Variants in FNBP4 observed in about 807,000 individuals in gnomAD.
FNBP4 encodes the protein formin binding protein 4.
Under a neutral mutation model 119.3 loss-of-function variants are expected in FNBP4, and 34 were observed. That is an observed-to-expected ratio of 0.28 (90% CI 0.22 to 0.38). The LOEUF (loss-of-function observed/expected upper bound fraction) is 0.38, where lower values mean the gene tolerates loss of function less well. Among genes scored for constraint, FNBP4 ranks in the 10% least tolerant of loss-of-function variants. The pLI, the probability that FNBP4 is intolerant of heterozygous loss-of-function variation, is 1.00. For synonymous variants in FNBP4, 462 were observed against 430.6 expected, an observed-to-expected ratio of 1.07 and a Z score of -0.90; for missense variants, 1,112 against 1,228.9, an observed-to-expected ratio of 0.90 and a Z score of 1.42.
At chr11:47,747,160 T>TCC (rs1348778409) in intron 6 of FNBP4, among the ~76,000 whole-genome samples, 1 of 152,062 alleles carries the variant, frequency 6.6e-6, no homozygotes, top group Non-Finnish European at 1.5e-5. Flanking sequence ...AGCCTTAGCC[T>TCC]CCCAAGTAGC....
intron 7 of FNBP4, among the ~76,000 whole-genome samples, chr11:47,745,704 C>T (rs559671440): frequency 2.0e-5 from 3 of 152,086 alleles, no homozygotes; most frequent in Admixed American, 1.3e-4. Context: ...GTTTGAGGCT[C>T]GGGTGGGCAT....
chr11:47,750,551 T>C (rs1302556260), intron 6 of FNBP4, among the ~76,000 whole-genome samples: 4 of 149,572 alleles, frequency 2.7e-5, no homozygotes, highest in Non-Finnish European at 5.9e-5. Flanking sequence ...AAGCCAGGTG[T>C]GGTAGCGGGT....
At position 47,767,158 on chromosome 11, in the gene FNBP4, G is replaced by T; in HGVS notation, c.131C>A (p.Ala44Glu). 1 of 1,547,512 alleles carries T rather than the reference G, an allele frequency of 6.5e-7. No homozygotes were observed. Among genetic ancestry groups the T allele is most frequent in the Non-Finnish European group, 8.7e-7 (1 of 1,151,856 alleles). The change falls in exon 1 of 17, where the codon GCG (alanine) becomes GAG (glutamate). Residue 44 changes from alanine (A) to glutamate (E), a missense_variant. By Grantham distance (107) the Ala-to-Glu change is moderately radical (BLOSUM62 -1). Transcript: ENST00000263773. The stretch of plus-strand genomic sequence containing the variant: ...CGACGGGGCGGGCTGGCTGGGGACC[G>T]CCGCGGTTGAGTCCGGCTCAGTGTC... ...EPDTEPDSTA[A>E]VPSQPAPSAA...
chr11:47,746,448 G>C (rs2097590413), intron 6 of FNBP4, 54 bp from the exon 7 acceptor site: 1 of 1,389,154 alleles, frequency 7.2e-7, no homozygotes, highest in African/African-American at 1.4e-5. Context: ...AATCTCACCT[G>C]CACATACATT....
rs1488958615 is a variant in FNBP4, at chr11:47,719,908, C to G, written c.2963+21G>C. On this transcript the variant is annotated intron_variant, in intron 16 of 16. Coordinates refer to ENST00000263773, the MANE Select transcript of FNBP4 (RefSeq NM_015308.5). ...AACCTACTCCAAAACCCCATCTCAT[C>G]TGTGTTTCCTTTTCTTTTACCTAAC... is the stretch of plus-strand genomic sequence containing the variant. The G allele has an allele frequency of 1.9e-6, 3 of 1,612,842 alleles. No homozygotes were observed. In the Admixed American group the frequency reaches 5.0e-5, roughly 27 times the overall value.
chr11:47,767,269 G>A lies in FNBP4; in HGVS notation c.20C>T (p.Ala7Val), dbSNP rs2097649777. The A allele has an allele frequency of 3.2e-6, 5 of 1,540,118 alleles. No homozygotes were observed. The highest frequency in any genetic ancestry group is 2.0e-5 in the Admixed American group (1 of 49,442). Residue 7 changes from alanine (A) to valine (V), a missense_variant, in exon 1 of 17, where the codon GCG becomes GTG. Ala to Val is a moderately conservative substitution (Grantham distance 64). This residue lies in a region of FNBP4 where 286 missense variants were observed against 240.1 expected (regional missense o/e 1.19). Coordinates refer to ENST00000263773, the MANE Select transcript of FNBP4 (RefSeq NM_015308.5). Reference protein sequence around the residue: MGKKSRAVPGRRPILQL... With the variant: MGKKSRVVPGRRPILQL... Reference sequence around the variant, plus strand: ...CAGGATGGGCCTACGGCCGGGTACCGCCCGGGACTTCTTCCCCATCGCGAG... The same window carrying A: ...CAGGATGGGCCTACGGCCGGGTACCACCCGGGACTTCTTCCCCATCGCGAG...
intron 12 of FNBP4, chr11:47,729,933 T>A (rs2097565533): frequency 1.0e-6 from 1 of 985,316 alleles, no homozygotes; most frequent in Non-Finnish European, 1.2e-6. Context: ...GTTTTATCAG[T>A]GGCTTTTTCC....
Position 47,736,733 on chromosome 11 carries a change from A to G in FNBP4, c.1464T>C (p.Gly488=), listed in dbSNP as rs1168687697. ...CATCTATTTTTTCTGAATTTTCAGC[A>G]CCAATTGCTGTAAAAAAAACATGTA... ...DTPENGETAI[G]AENSEKIDEN... The change falls in exon 9 of 17, where the codon GGT becomes GGC. Residue 488 remains glycine (G), a synonymous_variant. Transcript: ENST00000263773. 2 of 1,597,494 alleles carry G rather than the reference A, an allele frequency of 1.3e-6. No homozygotes were observed. The highest frequency in any genetic ancestry group is 1.7e-5 in the Admixed American group (1 of 58,764).
At chr11:47,726,075 A>G (rs2097560587) in intron 12 of FNBP4, 1 of 152,174 alleles carries the variant, frequency 6.6e-6, no homozygotes, top group African/African-American at 2.4e-5. Context: ...CAAAAAAAAT[A>G]TCACTTCACC....
intron 4 of FNBP4, 90 bp downstream of exon 4, chr11:47,752,814 AAAACAAACAAAC>A (rs35333514): frequency 2.9e-4 from 295 of 1,010,110 alleles, no homozygotes; most frequent in Non-Finnish European, 3.8e-4. Context: ...ATTCCATCTC[AAAACAAACAAAC>A]AAACAAACAA....
chr11:47,755,855 C>T (rs2097616569), intron 2 of FNBP4, among the ~76,000 whole-genome samples: 2 of 151,962 alleles, frequency 1.3e-5, no homozygotes, highest in South Asian at 4.2e-4. Flanking sequence ...ATAGTTATTT[C>T]AATCAATTAT....
In FNBP4 at chr11:47,751,604, G is replaced by GAATTATTTTCTCAAT. The variant is rs2097604216; in HGVS notation, c.638-329_638-315dup. On this transcript the variant is annotated intron_variant, in intron 4 of 16. Transcript: ENST00000263773. ...TTGAGAACCACTGGCCTAACACCAA[G>GAATTATTTTCTCAAT]AATTATTTTCTCAATATCTAACATT... 3.9e-5 allele frequency among the ~76,000 whole-genome samples: 6 copies of GAATTATTTTCTCAAT among 152,146 alleles called. No individual in the cohort carries two copies. In the South Asian group the frequency reaches 1.2e-3, roughly 32 times the overall value.
intron 6 of FNBP4, among the ~76,000 whole-genome samples, chr11:47,750,571 C>A (rs1225525263): frequency 6.7e-6 from 1 of 148,354 alleles, no homozygotes; most frequent in African/African-American, 2.5e-5. Flanking sequence ...TGCTTGTAAT[C>A]CCAGCGACTC....
At position 47,767,302 on chromosome 11, in the gene FNBP4, G is replaced by T; in HGVS notation, c.-14C>A. ...CTTCTTCCCCATCGCGAGCCCAAGC[G>T]CGAGCAGAGAGCGTCGGGCGGCCGA... On this transcript the variant is annotated 5_prime_UTR_variant, in exon 1 of 17. Transcript: ENST00000263773. 1 of 1,491,164 alleles carries T rather than the reference G, an allele frequency of 6.7e-7. No homozygotes were observed. The highest frequency in any genetic ancestry group is 8.9e-7 in the Non-Finnish European group (1 of 1,127,044). 92.4% of individuals were successfully genotyped at this position (1,491,164 alleles called of 1,614,324 possible).
At position 47,754,629 on chromosome 11, in the gene FNBP4, C is replaced by G; in HGVS notation, c.349G>C (p.Asp117His). 1 of 1,614,120 alleles carries G rather than the reference C, an allele frequency of 6.2e-7. No homozygotes were observed. The highest frequency in any genetic ancestry group is 8.5e-7 in the Non-Finnish European group (1 of 1,180,020). The change falls in exon 3 of 17, where the codon GAT (aspartate) becomes CAT (histidine). Residue 117 changes from aspartate to histidine, a missense_variant. By Grantham distance (81) the Asp-to-His change is moderately conservative (BLOSUM62 -1). Transcript: ENST00000263773. ...TCGGAAACATCATTGTCATCGTCAT[C>G]ACTGTCAGCATAAGCACCAAGCAAG... ...LCLLGAYADS[D>H]DDDNDVSEKL...
chr11:47,731,548 A>C lies in FNBP4; in HGVS notation c.1834T>G (p.Tyr612Asp). 1 of 1,609,440 alleles carries C rather than the reference A, an allele frequency of 6.2e-7. No individual in the cohort carries two copies. Among genetic ancestry groups the C allele is most frequent in the Non-Finnish European group, 8.5e-7 (1 of 1,178,828 alleles). Residue 612 changes from tyrosine to aspartate, a missense_variant, in exon 12 of 17, where the codon TAT (tyrosine) becomes GAT (aspartate). Tyr to Asp is a radical substitution (Grantham distance 160). Coordinates refer to ENST00000263773, the MANE Select transcript of FNBP4 (RefSeq NM_015308.5). ...SCHWDRDHRR[Y>D]FYVNEQSGES... The stretch of plus-strand genomic sequence containing the variant: ...CCCGACTGTTCGTTTACATAGAAAT[A>C]CCGTCTATGATCCCTAAATTACAAG...
intron 1 of FNBP4, among the ~76,000 whole-genome samples, chr11:47,765,902 G>C (rs2097646868): frequency 9.2e-6 from 1 of 109,056 alleles, no homozygotes; most frequent in African/African-American, 3.4e-5. Flanking sequence ...CGCCCAGGCT[G>C]GTCAAACTCC....
At chr11:47,754,724 T>A in intron 2 of FNBP4, 60 bp from the exon 3 acceptor site, 4 of 1,566,996 alleles carry the variant, frequency 2.6e-6, no homozygotes, top group South Asian at 1.2e-5. Flanking sequence ...CTAAGAAGCA[T>A]CTAAAGCGGA....
chr11:47,746,738 A>C (rs925342556), intron 6 of FNBP4, among the ~76,000 whole-genome samples: 1 of 151,960 alleles, frequency 6.6e-6, no homozygotes, highest in Non-Finnish European at 1.5e-5. Flanking sequence ...GTCTCAAACT[A>C]CTGACCTTGT....
Sources: gnomAD v4.1 joint callset for allele counts (sites outside exome capture counted in the v4.1 genomes callset) on GRCh38, gnomAD v4.1.1 for gene constraint, gnomAD v4.1.1 regional missense constraint, MANE v1.5 for transcripts, NCBI Gene and HGNC (gene_info 2026-07-23, HGNC 2026-07-21) for gene names.